Variants in JAZF1 observed in about 807,000 individuals in gnomAD.
The protein encoded by JAZF1 is juxtaposed with another zinc finger protein 1.
A neutral mutation model predicts 26.4 loss-of-function variants in JAZF1; 8 were observed. That is an observed-to-expected ratio of 0.30 (90% CI 0.18 to 0.55). JAZF1 has a LOEUF of 0.55. JAZF1 is among the 20% of genes least tolerant of loss of function. The pLI is 0.94. For missense variants in JAZF1, 199 were observed against 322.0 expected (o/e 0.62, Z 2.92); for synonymous variants, 126 against 122.3 (o/e 1.03, Z -0.20).
At chr7:28,128,058 T>G (rs530325540) in intron 1 of JAZF1, among the ~76,000 whole-genome samples, 2 of 152,130 alleles carry the variant, frequency 1.3e-5, no homozygotes, top group East Asian at 3.9e-4. Context: ...AGAGATATCC[T>G]CTCTTAGTAG....
chr7:27,937,021 CTAAA>C (rs1231115643), intron 2 of JAZF1, among the ~76,000 whole-genome samples: 10 of 152,302 alleles, frequency 6.6e-5, no homozygotes, highest in African/African-American at 2.2e-4. Flanking sequence ...ATTTGTTTCT[CTAAA>C]TAAGCATTGT....
chr7:27,911,744 C>T (rs1262345148), intron 2 of JAZF1, among the ~76,000 whole-genome samples: 1 of 151,904 alleles, frequency 6.6e-6, no homozygotes, highest in Non-Finnish European at 1.5e-5. Context: ...ACAAACAGGT[C>T]AGTGATCTAG....
At chr7:27,963,686 C>T (rs983389927) in intron 2 of JAZF1, among the ~76,000 whole-genome samples, 4 of 150,690 alleles carry the variant, frequency 2.7e-5, no homozygotes, top group African/African-American at 7.4e-5. Flanking sequence ...CTCAGCCTCC[C>T]GAGTAGCTGA....
intron 1 of JAZF1, among the ~76,000 whole-genome samples, chr7:28,068,486 T>C (rs758888721): frequency 6.6e-6 from 1 of 152,144 alleles, no homozygotes; most frequent in Non-Finnish European, 1.5e-5. Flanking sequence ...AAAGGCAAAC[T>C]TCCCTGAAGA....
chr7:28,168,664 G>A (rs942260146), intron 1 of JAZF1, among the ~76,000 whole-genome samples: 1 of 152,140 alleles, frequency 6.6e-6, no homozygotes, highest in Non-Finnish European at 1.5e-5. Context: ...GCCCTGGTTT[G>A]AGCATTTGTA....
At chr7:28,178,365 T>C (rs1161349624) in intron 1 of JAZF1, among the ~76,000 whole-genome samples, 1 of 152,208 alleles carries the variant, frequency 6.6e-6, no homozygotes, top group Non-Finnish European at 1.5e-5. Context: ...ATACTGTCTT[T>C]TAACCAGCTT....
intron 1 of JAZF1, among the ~76,000 whole-genome samples, chr7:28,053,763 A>G (rs772874477): frequency 6.6e-6 from 1 of 152,184 alleles, no homozygotes; most frequent in African/African-American, 2.4e-5. Context: ...AAAGGAGTGG[A>G]AAGGTACGGA....
At chr7:27,866,002 G>A (rs1418036784) in intron 3 of JAZF1, among the ~76,000 whole-genome samples, 1 of 152,078 alleles carries the variant, frequency 6.6e-6, no homozygotes, top group African/African-American at 2.4e-5. Flanking sequence ...TCATGTATGC[G>A]GCACTTTGAA....
At chr7:27,913,279 T>TTA (rs569071390) in intron 2 of JAZF1, 42 of 205,324 alleles carry the variant, frequency 2.0e-4, no homozygotes, top group East Asian at 8.0e-4. Flanking sequence ...TTTATATATA[T>TTA]TATATATATA....
intron 1 of JAZF1, among the ~76,000 whole-genome samples, chr7:28,072,010 G>A (rs753222085): frequency 6.6e-6 from 1 of 152,248 alleles, no homozygotes; most frequent in Non-Finnish European, 1.5e-5. Flanking sequence ...GTAGTATGAA[G>A]TCTGGGAGAC....
At chr7:27,911,631 C>A (rs1281438497) in intron 2 of JAZF1, among the ~76,000 whole-genome samples, 1 of 152,120 alleles carries the variant, frequency 6.6e-6, no homozygotes, top group African/African-American at 2.4e-5. Context: ...CATAAAATTT[C>A]CACGATCACA....
chr7:27,837,365 T>C (rs1046005348), intron 4 of JAZF1, among the ~76,000 whole-genome samples: 2 of 152,208 alleles, frequency 1.3e-5, no homozygotes, highest in African/African-American at 4.8e-5. Context: ...GGAACGCCTC[T>C]GGGAAGGATA....
intron 1 of JAZF1, among the ~76,000 whole-genome samples, chr7:27,993,409 CA>C (rs1040855371): frequency 7.2e-5 from 11 of 152,070 alleles, no homozygotes; most frequent in Admixed American, 5.2e-4. Flanking sequence ...CTCTAAATAA[CA>C]AAAAAACCAC....
intron 1 of JAZF1, among the ~76,000 whole-genome samples, chr7:28,128,515 A>G (rs1215238393): frequency 6.6e-6 from 1 of 152,062 alleles, no homozygotes; most frequent in Non-Finnish European, 1.5e-5. Context: ...GAGTCCGTCT[A>G]AAAAATAAAT....
intron 2 of JAZF1, among the ~76,000 whole-genome samples, chr7:27,945,942 C>T (rs897841495): frequency 1.3e-5 from 2 of 152,180 alleles, no homozygotes; most frequent in Non-Finnish European, 2.9e-5. Context: ...AAGTAATACA[C>T]ATTCAATAGA....
At chr7:27,963,700 T>C (rs1785224986) in intron 2 of JAZF1, among the ~76,000 whole-genome samples, 1 of 144,788 alleles carries the variant, frequency 6.9e-6, no homozygotes, top group Non-Finnish European at 1.5e-5. Flanking sequence ...TAGCTGAGAC[T>C]GTAGGTGCAC....
chr7:28,023,347 C>A (rs1038335689), intron 1 of JAZF1, among the ~76,000 whole-genome samples: 4 of 152,224 alleles, frequency 2.6e-5, no homozygotes, highest in African/African-American at 9.6e-5. Context: ...TGAGCTCCCA[C>A]AAAAGCTGTT....
At chr7:28,051,702 G>A (rs1562570849) in intron 1 of JAZF1, among the ~76,000 whole-genome samples, 1 of 151,920 alleles carries the variant, frequency 6.6e-6, no homozygotes, top group African/African-American at 2.4e-5. Context: ...AAATGTCCTG[G>A]GGTTCATATG....
intron 2 of JAZF1, among the ~76,000 whole-genome samples, chr7:27,907,277 G>T (rs1784275206): frequency 6.6e-6 from 1 of 152,198 alleles, no homozygotes; most frequent in African/African-American, 2.4e-5. Context: ...TTGGATAAAT[G>T]CATGAAAAGC....
Sources: gnomAD v4.1 joint callset for allele counts (sites outside exome capture counted in the v4.1 genomes callset) on GRCh38, gnomAD v4.1.1 for gene constraint, MANE v1.5 for transcripts, NCBI Gene and HGNC (gene_info 2026-07-23, HGNC 2026-07-21) for gene names.